Variants in OPA3 observed in about 807,000 individuals in gnomAD.
The protein encoded by OPA3 is outer mitochondrial membrane lipid metabolism regulator OPA3, also known as optic atrophy 3 protein.
A neutral mutation model predicts 4.0 loss-of-function variants in OPA3; 6 were observed. That is an observed-to-expected ratio of 1.51 (90% CI 0.83 to 2.99). OPA3 has a LOEUF of 2.99. Ranked by LOEUF, OPA3 falls within the 30% of genes most tolerant of loss-of-function variation. OPA3 has a pLI of 0.00. For missense variants in OPA3, 235 were observed against 256.2 expected (o/e 0.92, Z 0.56); for synonymous variants, 105 against 117.1 (o/e 0.90, Z 0.67).
At chr19:45,572,122 G>GAC (rs1555735202) in intron 1 of OPA3, among the ~76,000 whole-genome samples, 3 of 140,786 alleles carry the variant, frequency 2.1e-5, no homozygotes, top group Non-Finnish European at 3.1e-5. Flanking sequence ...AATATATATT[G>GAC]ATATATATAT....
In OPA3 at chr19:45,546,341, A is replaced by G; in HGVS notation, c.*7173T>C. 1 of 680,328 alleles carries G rather than the reference A, an allele frequency of 1.5e-6. No individual in the cohort carries two copies. The highest frequency in any genetic ancestry group is 1.8e-6 in the Non-Finnish European group (1 of 552,016). 42.1% of individuals were successfully genotyped at this position (680,328 alleles called of 1,614,324 possible). On this transcript the variant is annotated 3_prime_UTR_variant, in exon 2 of 2. Transcript: ENST00000263275. ...TGATATGTACATAAGCACATACACTACATATAATAGATGATGTTATGTTAC... is the reference window on the plus strand; with the variant it reads ...TGATATGTACATAAGCACATACACTGCATATAATAGATGATGTTATGTTAC...
intron 1 of OPA3, among the ~76,000 whole-genome samples, chr19:45,537,396 C>CAAAAAA (rs1181396046): frequency 1.5e-3 from 44 of 28,902 alleles, no homozygotes; most frequent in South Asian, 2.6e-3. Flanking sequence ...GACTCTGTCT[C>CAAAAAA]AAAAAAAAAA....
Position 45,551,741 on chromosome 19 carries a change from G to A in OPA3, c.*1773C>T. ...GGCCTAATTGGTAGGATGGGGGTGGGACCGGGGGCTATGGAGGCAGGAGGG... is the reference window on the plus strand; with the variant it reads ...GGCCTAATTGGTAGGATGGGGGTGGAACCGGGGGCTATGGAGGCAGGAGGG... On this transcript the variant is annotated 3_prime_UTR_variant, in exon 2 of 2. Transcript: ENST00000263275. 4.1e-6 allele frequency: 4 copies of A among 985,572 alleles called. No homozygotes were observed. Among genetic ancestry groups the A allele is most frequent in the Non-Finnish European group, 4.8e-6 (4 of 830,022 alleles). 61.1% of individuals were successfully genotyped at this position (985,572 alleles called of 1,614,324 possible).
At chr19:45,572,968 T>C (rs7256951) in intron 1 of OPA3, among the ~76,000 whole-genome samples, 101,535 of 150,858 alleles carry the variant, frequency 0.67, 35,018 homozygotes, top group African/African-American at 0.83. Flanking sequence ...GGTGCTTAGA[T>C]ACAATTAGGT....
intron 1 of OPA3, among the ~76,000 whole-genome samples, chr19:45,571,655 G>C (rs911934577): frequency 6.6e-6 from 1 of 152,146 alleles, no homozygotes; most frequent in Non-Finnish European, 1.5e-5. Context: ...ACTGGTGCGT[G>C]TGAGAATGTA....
At chr19:45,534,655 T>A (rs552855397) in intron 1 of OPA3, among the ~76,000 whole-genome samples, 19 of 151,148 alleles carry the variant, frequency 1.3e-4, no homozygotes, top group African/African-American at 4.4e-4. Context: ...TTTTTTGAGA[T>A]GGAATCTTGC....
At chr19:45,568,378 T>A (rs1969613288) in intron 1 of OPA3, among the ~76,000 whole-genome samples, 1 of 151,890 alleles carries the variant, frequency 6.6e-6, no homozygotes, top group South Asian at 2.1e-4. Context: ...TTAGTAGAGA[T>A]GGGGTTTCAC....
At chr19:45,530,772 T>C (rs1209269606) in intron 1 of OPA3, among the ~76,000 whole-genome samples, 1 of 151,192 alleles carries the variant, frequency 6.6e-6, no homozygotes, top group African/African-American at 2.4e-5. Context: ...ATTTATTTAT[T>C]TATTTTCGAG....
intron 1 of OPA3, among the ~76,000 whole-genome samples, chr19:45,567,783 TGA>T (rs1338579606): frequency 1.3e-5 from 2 of 152,212 alleles, no homozygotes; most frequent in Non-Finnish European, 2.9e-5. Flanking sequence ...TCTCTCGCTT[TGA>T]GAGATTTCCT....
intron 1 of OPA3, among the ~76,000 whole-genome samples, chr19:45,554,462 T>G (rs1969390999): frequency 6.6e-6 from 1 of 152,190 alleles, no homozygotes; most frequent in Admixed American, 6.5e-5. Flanking sequence ...GCCCTGAAGG[T>G]GCAGCTAAGA....
rs2122427531 is a variant in OPA3, at chr19:45,550,969, CT to C, written c.*2544del. 1 of 985,334 alleles carries C rather than the reference CT, an allele frequency of 1.0e-6. No individual in the cohort carries two copies. Among genetic ancestry groups the C allele is most frequent in the Non-Finnish European group, 1.2e-6 (1 of 829,954 alleles). The allele number at this position is 985,334 out of a possible 1,614,324, so 61.0% of individuals were successfully genotyped here. On this transcript the variant is annotated 3_prime_UTR_variant, in exon 2 of 2. Transcript: ENST00000263275. ...CGGGGTTGGCAGGAGTCCCAGGGTA[CT>C]TTTTTTCTGAGAAAGGGTCTCACTC... is the stretch of plus-strand genomic sequence containing the variant.
At chr19:45,555,826 A>G (rs536589021) in intron 1 of OPA3, among the ~76,000 whole-genome samples, 1 of 151,770 alleles carries the variant, frequency 6.6e-6, no homozygotes, top group Non-Finnish European at 1.5e-5. Flanking sequence ...GATGGGGTTT[A>G]TCAGTATGTT....
intron 1 of OPA3, among the ~76,000 whole-genome samples, chr19:45,567,609 C>G (rs1439965132): frequency 6.6e-6 from 1 of 152,078 alleles, no homozygotes; most frequent in African/African-American, 2.4e-5. Flanking sequence ...TACCAATACT[C>G]ATTGAACTGT....
At chr19:45,537,390 C>A in intron 1 of OPA3, among the ~76,000 whole-genome samples, 2 of 48,484 alleles carry the variant, frequency 4.1e-5, no homozygotes, top group Non-Finnish European at 6.2e-5. Flanking sequence ...GAGCAAGACT[C>A]TGTCTCAAAA....
At chr19:45,584,545 G>C (rs2122528836) in intron 1 of OPA3, 78 bp downstream of exon 1, 2 of 1,610,672 alleles carry the variant, frequency 1.2e-6, no homozygotes, top group Non-Finnish European at 1.7e-6. Flanking sequence ...GTCGTAGACA[G>C]AAGTCCATCC....
rs1193941925 is a variant in OPA3, at chr19:45,548,652, ATTTT to A, written c.*4858_*4861del. On this transcript the variant is annotated 3_prime_UTR_variant, in exon 2 of 2. Transcript: ENST00000263275. ...GGTAACTCAGTGAGTTTTGTGTTTT[ATTTT>A]TTTTATTTTTTTTTTTTTTGCGGGA... The A allele has an allele frequency of 5.1e-3, 3,969 of 778,490 alleles. 2 individuals carry two copies. The highest frequency in any genetic ancestry group is 9.7e-3 in the East Asian group (38 of 3,930). 48.2% of individuals were successfully genotyped at this position (778,490 alleles called of 1,614,324 possible).
Position 45,553,673 on chromosome 19 carries a change from G to C in OPA3, c.381C>G (p.Gly127=). The C allele has an allele frequency of 6.2e-7, 1 of 1,604,954 alleles. No homozygotes were observed. The highest frequency in any genetic ancestry group is 8.5e-7 in the Non-Finnish European group (1 of 1,178,456). ...GCGCTTCCAGCGCCAGCGCCAGGTG[G>C]CCCACCTCGTCCCGCAGCGCGTTCC... is the stretch of plus-strand genomic sequence containing the variant. The part of the protein sequence containing the change: ...AAWNALRDEV[G]HLALALEALQ... Residue 127 remains glycine (G), a synonymous_variant, in exon 2 of 2, where the codon GGC becomes GGG. Coordinates refer to ENST00000263275, the MANE Select transcript of OPA3 (RefSeq NM_025136.4).
chr19:45,560,154 C>T (rs2122459511), intron 1 of OPA3, among the ~76,000 whole-genome samples: 2 of 152,230 alleles, frequency 1.3e-5, no homozygotes, highest in South Asian at 4.1e-4. Context: ...TTTCCGTCTC[C>T]TCCCTGAACT....
rs1197313460 is a variant in OPA3 at position 45,549,696 on chromosome 19, T to G, written c.*3818A>C. On this transcript the variant is annotated 3_prime_UTR_variant, in exon 2 of 2. Coordinates refer to ENST00000263275, the MANE Select transcript of OPA3 (RefSeq NM_025136.4). ...GGTTTTGCCATGTTGGCCAGGCTGG[T>G]CTCGATCTCCTAACATCATGTGATC... 1.1e-6 allele frequency: 1 copy of G among 949,168 alleles called. No homozygotes were observed. Among genetic ancestry groups the G allele is most frequent in the African/African-American group, 1.8e-5 (1 of 56,282 alleles). The allele number at this position is 949,168 out of a possible 1,614,324, so 58.8% of individuals were successfully genotyped here. A position where few individuals can be genotyped will look rare whatever the true frequency, so the allele number is the denominator to read the frequency against.
Sources: gnomAD v4.1 joint callset for allele counts (sites outside exome capture counted in the v4.1 genomes callset) on GRCh38, gnomAD v4.1.1 for gene constraint, MANE v1.5 for transcripts, NCBI Gene and HGNC (gene_info 2026-07-23, HGNC 2026-07-21) for gene names.